Variants in CNTLN observed in about 807,000 individuals in gnomAD.
The protein encoded by CNTLN is centlein.
A neutral mutation model predicts 180.0 loss-of-function variants in CNTLN; 212 were observed. The ratio of observed to expected loss-of-function variants is 1.18; its 90% CI spans 1.05 to 1.32. CNTLN has a LOEUF of 1.32. CNTLN is among the 40% of genes most tolerant of loss of function. The pLI is 0.00. For missense variants in CNTLN, 2,095 were observed against 1,610.9 expected (o/e 1.30, Z -5.14); for synonymous variants, 722 against 563.1 (o/e 1.28, Z -3.99).
intron 5 of CNTLN, among the ~76,000 whole-genome samples, chr9:17,239,657 A>C (rs10962926): frequency 0.17 from 26,119 of 152,068 alleles, 2,511 homozygotes; most frequent in South Asian, 0.29. Flanking sequence ...ATGGTGTGAG[A>C]TACAGGCCTA....
At chr9:17,240,910 G>A (rs1051257816) in intron 5 of CNTLN, among the ~76,000 whole-genome samples, 2 of 152,032 alleles carry the variant, frequency 1.3e-5, no homozygotes, top group African/African-American at 4.8e-5. Context: ...CCAGGCTGGA[G>A]TGCAGTGGCA....
intron 2 of CNTLN, among the ~76,000 whole-genome samples, chr9:17,221,157 A>G (rs902991959): frequency 5.3e-5 from 8 of 152,228 alleles, no homozygotes; most frequent in South Asian, 2.1e-4. Context: ...TAGATTTAGT[A>G]TTCTTTTGCA....
intron 10 of CNTLN, among the ~76,000 whole-genome samples, chr9:17,340,280 G>A (rs1351884332): frequency 2.6e-5 from 4 of 152,126 alleles, no homozygotes; most frequent in African/African-American, 7.2e-5. Flanking sequence ...TCCCATTCCA[G>A]TTCTTCATGG....
Position 17,463,037 on chromosome 9 carries a change from A to G in CNTLN, c.3404+24A>G, listed in dbSNP as rs773385344. On this transcript the variant is annotated intron_variant, in intron 20 of 25. Coordinates refer to ENST00000380647, the MANE Select transcript of CNTLN (RefSeq NM_017738.4). ...AAGTATGGTTTTTGTATTTCTATCC[A>G]TTGTATTTGGTGCCACCTAGTGGCA... The G allele has an allele frequency of 1.4e-5, 20 of 1,464,490 alleles. 1 individual carries two copies. The highest frequency in any genetic ancestry group is 2.4e-5 in the East Asian group (1 of 42,146). The allele number at this position is 1,464,490 out of a possible 1,614,324, so 90.7% of individuals were successfully genotyped here.
At chr9:17,162,510 T>C (rs59581300) in intron 2 of CNTLN, among the ~76,000 whole-genome samples, 2 of 152,360 alleles carry the variant, frequency 1.3e-5, no homozygotes, top group African/African-American at 4.8e-5. Flanking sequence ...TGTTACACAC[T>C]ACCTTCACTA....
intron 18 of CNTLN, among the ~76,000 whole-genome samples, chr9:17,431,607 A>G (rs544437615): frequency 6.6e-5 from 10 of 152,084 alleles, no homozygotes; most frequent in Non-Finnish European, 1.2e-4. Context: ...CTCAAAAAAT[A>G]TTGGCCCAAA....
intron 2 of CNTLN, among the ~76,000 whole-genome samples, chr9:17,209,508 G>A (rs1484804972): frequency 1.3e-5 from 2 of 152,194 alleles, no homozygotes; most frequent in Non-Finnish European, 2.9e-5. Context: ...GTCTAATGCT[G>A]GAAGTGGGAT....
the CNTLN span, among the ~76,000 whole-genome samples, chr9:17,521,167 A>G: frequency 1.3e-5 from 2 of 151,902 alleles, no homozygotes; most frequent in African/African-American, 2.4e-5. Context: ...AAGATTCTGC[A>G]TTATTTAGGA....
At chr9:17,415,100 A>C (rs1475824632) in intron 16 of CNTLN, among the ~76,000 whole-genome samples, 1 of 152,140 alleles carries the variant, frequency 6.6e-6, no homozygotes, top group Non-Finnish European at 1.5e-5. Context: ...GAAAAAAAAA[A>C]AAATCTTAAG....
intron 8 of CNTLN, among the ~76,000 whole-genome samples, chr9:17,330,355 T>C (rs1169224593): frequency 6.6e-6 from 1 of 152,064 alleles, no homozygotes; most frequent in Non-Finnish European, 1.5e-5. Context: ...ATGAGTGGTG[T>C]GTATCATGCA....
chr9:17,473,215 C>A (rs1351740982), intron 23 of CNTLN, among the ~76,000 whole-genome samples: 2 of 152,120 alleles, frequency 1.3e-5, no homozygotes, highest in Admixed American at 1.3e-4. Flanking sequence ...TTATATAGTT[C>A]CCAGTGCATT....
At chr9:17,377,694 A>T (rs1209054907) in intron 13 of CNTLN, among the ~76,000 whole-genome samples, 1 of 152,192 alleles carries the variant, frequency 6.6e-6, no homozygotes, top group South Asian at 2.1e-4. Context: ...TTATTGGGTT[A>T]CACCCTTTTT....
intron 16 of CNTLN, among the ~76,000 whole-genome samples, chr9:17,414,876 T>C (rs1344905352): frequency 1.3e-5 from 2 of 152,132 alleles, no homozygotes; most frequent in Non-Finnish European, 2.9e-5. Flanking sequence ...GCTCACTGGA[T>C]ACCAGGAGTT....
At chr9:17,146,045 A>G (rs1818437309) in intron 2 of CNTLN, among the ~76,000 whole-genome samples, 3 of 152,324 alleles carry the variant, frequency 2.0e-5, no homozygotes, top group Non-Finnish European at 2.9e-5. Context: ...CTTCCTAGAT[A>G]ACTTGCTTGA....
At chr9:17,320,766 G>C (rs940100199) in intron 8 of CNTLN, among the ~76,000 whole-genome samples, 10 of 151,990 alleles carry the variant, frequency 6.6e-5, no homozygotes, top group Non-Finnish European at 1.3e-4. Context: ...GCCTCCCAAA[G>C]CGCTGGGATT....
Position 17,150,663 on chromosome 9 carries a change from G to A in CNTLN, c.449+7287G>A, listed in dbSNP as rs572529951. On this transcript the variant is annotated intron_variant, in intron 2 of 25. Transcript: ENST00000380647. ...TTTTTGGTTCCATATGAACTTTAAA[G>A]TAGTTTTTTCCAATTCTGTGAAGAA... Among the ~76,000 whole-genome samples the A allele has an allele frequency of 1.6e-3, 240 of 152,298 alleles. 2 individuals carry two copies. Among genetic ancestry groups the A allele is most frequent in the African/African-American group, 5.6e-3 (232 of 41,554 alleles).
chr9:17,313,058 C>G (rs1819318738), intron 8 of CNTLN, among the ~76,000 whole-genome samples: 1 of 152,102 alleles, frequency 6.6e-6, no homozygotes, highest in African/African-American at 2.4e-5. Context: ...GGAACCCTTT[C>G]TCATTATAAA....
chr9:17,377,244 C>T (rs912380700), intron 13 of CNTLN, among the ~76,000 whole-genome samples: 1 of 151,938 alleles, frequency 6.6e-6, no homozygotes, highest in Non-Finnish European at 1.5e-5. Flanking sequence ...TCTTGATTAG[C>T]CAGATAAAAT....
At chr9:17,229,056 C>G (rs74468889) in intron 3 of CNTLN, among the ~76,000 whole-genome samples, 8,485 of 151,902 alleles carry the variant, frequency 0.056, 280 homozygotes, top group East Asian at 0.18. Context: ...AGAGGGAAGA[C>G]TTTAAGCAGT....
Sources: allele counts gnomAD v4.1 joint callset (sites outside exome capture counted in the v4.1 genomes callset), GRCh38; gene constraint gnomAD v4.1.1; transcripts MANE v1.5; gene names NCBI Gene and HGNC (gene_info 2026-07-23, HGNC 2026-07-21).